Variants in TOMM40L observed in about 807,000 individuals in gnomAD.
TOMM40L encodes the protein translocase of outer mitochondrial membrane 40 like, also known as mitochondrial import receptor subunit TOM40B.
TOMM40L carries 17 observed loss-of-function variants against 38.3 expected under a neutral mutation model. That is an observed-to-expected ratio of 0.44 (90% CI 0.30 to 0.67). TOMM40L has a LOEUF of 0.67. Ranked by LOEUF, TOMM40L falls within the 30% of genes least tolerant of loss-of-function variation. TOMM40L has a pLI of 0.08. For missense variants in TOMM40L, 294 were observed against 390.0 expected (o/e 0.75, Z 2.07); for synonymous variants, 151 against 150.2 (o/e 1.01, Z -0.04).
At position 161,226,530 on chromosome 1, in the gene TOMM40L, C is replaced by T; in HGVS notation, c.41C>T (p.Pro14Leu). Reference protein sequence around the residue: ...TLGLAPMGTLPRRSPRREEPL... With the variant: ...TLGLAPMGTLLRRSPRREEPL... ...GGCCTGGCACCAATGGGGACTTTGCCCCGCCGGAGCCCCCGCCGAGAGGAA... is the reference window on the plus strand; with the variant it reads ...GGCCTGGCACCAATGGGGACTTTGCTCCGCCGGAGCCCCCGCCGAGAGGAA... Residue 14 changes from proline to leucine, a missense_variant, in exon 2 of 10, where the codon CCC becomes CTC. By Grantham distance (98) the Pro-to-Leu change is moderately conservative. Transcript: ENST00000367988. The T allele has an allele frequency of 6.2e-7, 1 of 1,614,066 alleles. No individual in the cohort carries two copies. The highest frequency in any genetic ancestry group is 8.5e-7 in the Non-Finnish European group (1 of 1,179,996).
At chr1:161,227,486 G>A (rs561524457) in intron 4 of TOMM40L, 136 bp downstream of exon 4, 4 of 1,055,320 alleles carry the variant, frequency 3.8e-6, no homozygotes, top group South Asian at 1.4e-5. Context: ...AATGAGAGAG[G>A]GTAGAGAAAC....
chr1:161,229,233 G>T lies in TOMM40L; in HGVS notation c.*138G>T. 7.9e-7 allele frequency: 1 copy of T among 1,268,538 alleles called. No homozygotes were observed. The highest frequency in any genetic ancestry group is 1.4e-5 in the South Asian group (1 of 72,100). The allele number at this position is 1,268,538 out of a possible 1,614,324, so 78.6% of individuals were successfully genotyped here. ...GGAGCAGAGTGGTGGACAGGACCAT[G>T]CCCTCCTCAGAACTGGAGCTGCCAC... is the stretch of plus-strand genomic sequence containing the variant. On this transcript the variant is annotated 3_prime_UTR_variant, in exon 10 of 10. Coordinates refer to ENST00000367988, the MANE Select transcript of TOMM40L (RefSeq NM_032174.6).
rs1323455144 is a variant in TOMM40L at position 161,230,090 on chromosome 1, G to C, written c.*995G>C. 2.5e-6 allele frequency: 2 copies of C among 794,754 alleles called. No individual in the cohort carries two copies. The highest frequency in any genetic ancestry group is 5.5e-5 in the East Asian group (2 of 36,496). The allele number at this position is 794,754 out of a possible 1,614,324, so 49.2% of individuals were successfully genotyped here. ...TGACAGACTATCAGAGGTTCCAAAG[G>C]TCCTCCAGGGGGCCTCGGTCTGACA... On this transcript the variant is annotated 3_prime_UTR_variant, in exon 10 of 10. Coordinates refer to ENST00000367988, the MANE Select transcript of TOMM40L (RefSeq NM_032174.6).
intron 4 of TOMM40L, 100 bp from the exon 5 acceptor site, chr1:161,227,536 A>C: frequency 8.9e-7 from 1 of 1,120,080 alleles, no homozygotes; most frequent in African/African-American, 1.5e-5. Context: ...TTGTGACTCC[A>C]CCAGGGGGCG....
chr1:161,227,825 A>C, intron 5 of TOMM40L, 59 bp from the exon 6 acceptor site: 4 of 1,605,312 alleles, frequency 2.5e-6, no homozygotes, highest in Non-Finnish European at 3.4e-6. Context: ...AAGGAGGAGC[A>C]GAGTCTATAA....
intron 2 of TOMM40L, 88 bp downstream of exon 2, chr1:161,226,692 A>G (rs1571642704): frequency 7.0e-7 from 1 of 1,418,832 alleles, no homozygotes; most frequent in South Asian, 1.2e-5. Context: ...TGGGAGCAGG[A>G]AAGGGGAGAT....
intron 5 of TOMM40L, 44 bp from the exon 6 acceptor site, chr1:161,227,840 C>T: frequency 1.2e-6 from 2 of 1,607,992 alleles, no homozygotes; most frequent in South Asian, 1.1e-5. Context: ...CTATAATGAT[C>T]ATAAAGAGGG....
rs201093958 is a variant in TOMM40L, at chr1:161,229,119, A to T, written c.*24A>T. The T allele has an allele frequency of 3.1e-6, 5 of 1,614,146 alleles. No individual in the cohort carries two copies. On this transcript the variant is annotated 3_prime_UTR_variant, in exon 10 of 10. Transcript: ENST00000367988. ...GAGGTTGTCCAGAGCCAGCCCCCAC[A>T]GCAGCTGGAACCTCTGAGTCAGGTG...
chr1:161,227,178 G>A (rs757946194), intron 3 of TOMM40L, 80 bp from the exon 4 acceptor site: 4 of 1,418,298 alleles, frequency 2.8e-6, no homozygotes, highest in Non-Finnish European at 4.0e-6. Context: ...CCCTCTGGAT[G>A]GGGAAAAGAC....
In TOMM40L at chr1:161,230,208, A is replaced by C; in HGVS notation, c.*1113A>C. The C allele has an allele frequency of 1.2e-5, 5 of 422,108 alleles. No individual in the cohort carries two copies. The highest frequency in any genetic ancestry group is 2.2e-5 in the Non-Finnish European group (5 of 231,410). The allele number at this position is 422,108 out of a possible 1,614,324, so 26.1% of individuals were successfully genotyped here. A position where few individuals can be genotyped will look rare whatever the true frequency, so the allele number is the denominator to read the frequency against. ...TCCAGACTTGGCCAGAACTCCAACC[A>C]TGTGGAATCTGAGGGCCTGGCCTTC... On this transcript the variant is annotated 3_prime_UTR_variant, in exon 10 of 10. Transcript: ENST00000367988.
Position 161,226,388 on chromosome 1 carries a change from C to CCG in TOMM40L, c.-102_-101insCG. 1 of 1,021,070 alleles carries CCG rather than the reference C, an allele frequency of 9.8e-7. No individual in the cohort carries two copies. Among genetic ancestry groups the CCG allele is most frequent in the Non-Finnish European group, 1.4e-6 (1 of 702,186 alleles). 63.3% of individuals were successfully genotyped at this position (1,021,070 alleles called of 1,614,324 possible). On this transcript the variant is annotated 5_prime_UTR_variant, in exon 2 of 10. The change creates a premature stop within an existing upstream ORF in the 5' untranslated region. Coordinates refer to ENST00000367988, the MANE Select transcript of TOMM40L (RefSeq NM_032174.6). ...TCGGACCATGTGGAAGTTTCTGAGG[C>CCG]TGGGGAGCCGGATAATGGGGGGTGG...
At position 161,227,746 on chromosome 1, in the gene TOMM40L, AG is replaced by A; in HGVS notation, c.378+10del. 1 of 1,612,936 alleles carries A rather than the reference AG, an allele frequency of 6.2e-7. No homozygotes were observed. On this transcript the variant is annotated intron_variant, in intron 5 of 9. Transcript: ENST00000367988. ...CTAAGGCTGTCTTCCAGGTGACCAC[AG>A]TTCCTGCCTCCATCCCCTGAGGCAC...
chr1:161,227,016 C>T (rs1382078633), intron 3 of TOMM40L, 61 bp downstream of exon 3: 1 of 1,597,764 alleles, frequency 6.3e-7, no homozygotes, highest in Admixed American at 1.7e-5. Flanking sequence ...GGATCATCTT[C>T]TCCTTTCCTT....
Position 161,230,082 on chromosome 1 carries a change from T to G in TOMM40L, c.*987T>G. ...CTCTGGTATGACAGACTATCAGAGG[T>G]TCCAAAGGTCCTCCAGGGGGCCTCG... On this transcript the variant is annotated 3_prime_UTR_variant, in exon 10 of 10. Transcript: ENST00000367988. 2 of 877,804 alleles carry G rather than the reference T, an allele frequency of 2.3e-6. No homozygotes were observed. The allele number at this position is 877,804 out of a possible 1,614,324, so 54.4% of individuals were successfully genotyped here.
chr1:161,229,408 C>G lies in TOMM40L; in HGVS notation c.*313C>G. On this transcript the variant is annotated 3_prime_UTR_variant, in exon 10 of 10. Transcript: ENST00000367988. ...CCGGCACCCCTTGCCCTCAGGCTTCCTTCTTCCTTTCCCTTTGGTTAATCC... is the reference window on the plus strand; with the variant it reads ...CCGGCACCCCTTGCCCTCAGGCTTCGTTCTTCCTTTCCCTTTGGTTAATCC... The G allele has an allele frequency of 1.6e-6, 1 of 620,436 alleles. No individual in the cohort carries two copies. The allele number at this position is 620,436 out of a possible 1,614,324, so 38.4% of individuals were successfully genotyped here.
chr1:161,226,405 G>A lies in TOMM40L; in HGVS notation c.-85G>A, dbSNP rs1666349315. The stretch of plus-strand genomic sequence containing the variant: ...TTCTGAGGCTGGGGAGCCGGATAAT[G>A]GGGGGTGGGGCCCGTTGGGGGGTAA... On this transcript the variant is annotated 5_prime_UTR_variant, in exon 2 of 10. It removes an upstream start codon present in the reference 5' UTR. Coordinates refer to ENST00000367988, the MANE Select transcript of TOMM40L (RefSeq NM_032174.6). The A allele has an allele frequency of 4.2e-6, 5 of 1,192,216 alleles. No individual in the cohort carries two copies. The highest frequency in any genetic ancestry group is 5.9e-6 in the Non-Finnish European group (5 of 848,116). 73.9% of individuals were successfully genotyped at this position (1,192,216 alleles called of 1,614,324 possible).
Position 161,230,429 on chromosome 1 carries a change from C to G in TOMM40L, c.*1334C>G. ...CCTAACTTCAAGGGAAATGAGAAATCGAAGGAATTGGCCCAATGGCGAGGA... is the reference window on the plus strand; with the variant it reads ...CCTAACTTCAAGGGAAATGAGAAATGGAAGGAATTGGCCCAATGGCGAGGA... On this transcript the variant is annotated 3_prime_UTR_variant, in exon 10 of 10. Coordinates refer to ENST00000367988, the MANE Select transcript of TOMM40L (RefSeq NM_032174.6). The G allele has an allele frequency of 5.0e-6, 2 of 400,224 alleles. No individual in the cohort carries two copies. Among genetic ancestry groups the G allele is most frequent in the Non-Finnish European group, 8.9e-6 (2 of 224,860 alleles). The allele number at this position is 400,224 out of a possible 1,614,324, so 24.8% of individuals were successfully genotyped here. A position where few individuals can be genotyped will look rare whatever the true frequency, so the allele number is the denominator to read the frequency against.
chr1:161,226,624 G>A lies in TOMM40L; in HGVS notation c.115+20G>A. 1 of 1,609,284 alleles carries A rather than the reference G, an allele frequency of 6.2e-7. No individual in the cohort carries two copies. The highest frequency in any genetic ancestry group is 8.5e-7 in the Non-Finnish European group (1 of 1,176,404). ...GCAAAGGTGAGAACTTGGCACTTGG[G>A]TGTCTCAGGATGAAGGGGCAGAGGA... On this transcript the variant is annotated intron_variant, in intron 2 of 9. Transcript: ENST00000367988.
intron 3 of TOMM40L, 117 bp from the exon 4 acceptor site, chr1:161,227,141 G>A: frequency 2.5e-6 from 3 of 1,219,808 alleles, no homozygotes; most frequent in Non-Finnish European, 3.6e-6. Context: ...CTCTGTATAT[G>A]TTGGAATATT....
Sources: gnomAD v4.1 joint callset for allele counts on GRCh38, gnomAD v4.1.1 for gene constraint, MANE v1.5 for transcripts, NCBI Gene and HGNC (gene_info 2026-07-23, HGNC 2026-07-21) for gene names.